Variants in FRMD4A observed in about 807,000 individuals in gnomAD.
The protein encoded by FRMD4A is FERM domain-containing protein 4A.
FRMD4A carries 29 observed loss-of-function variants against 129.1 expected under a neutral mutation model. That is an observed-to-expected ratio of 0.22 (90% CI 0.17 to 0.31). The LOEUF is 0.31. FRMD4A is among the 10% of genes least tolerant of loss of function. The pLI is 1.00. For missense variants in FRMD4A, 1,272 were observed against 1,375.8 expected (o/e 0.92, Z 1.19); for synonymous variants, 634 against 571.6 (o/e 1.11, Z -1.56).
chr10:14,284,296 C>T (rs953769121), intron 2 of FRMD4A, among the ~76,000 whole-genome samples: 5 of 152,124 alleles, frequency 3.3e-5, no homozygotes, highest in Non-Finnish European at 5.9e-5. Context: ...TGCCAAATCA[C>T]ACTTCTAGAT....
intron 2 of FRMD4A, among the ~76,000 whole-genome samples, chr10:14,247,938 A>G (rs988944308): frequency 6.6e-6 from 1 of 151,820 alleles, no homozygotes; most frequent in African/African-American, 2.4e-5. Context: ...AATTGGAAAC[A>G]AACGACTCTA....
At chr10:14,319,859 C>T (rs1846906994) in intron 2 of FRMD4A, among the ~76,000 whole-genome samples, 1 of 152,136 alleles carries the variant, frequency 6.6e-6, no homozygotes, top group South Asian at 2.1e-4. Context: ...CTCTGTAGTC[C>T]TCAGTCAATA....
intron 2 of FRMD4A, among the ~76,000 whole-genome samples, chr10:13,934,745 A>T (rs1302340306): frequency 6.6e-6 from 1 of 152,240 alleles, no homozygotes; most frequent in African/African-American, 2.4e-5. Context: ...TAAACTAGAA[A>T]TGGAACACAT....
chr10:14,001,666 C>A (rs2095643244), intron 2 of FRMD4A, among the ~76,000 whole-genome samples: 1 of 152,166 alleles, frequency 6.6e-6, no homozygotes, highest in Non-Finnish European at 1.5e-5. Flanking sequence ...ACGGGCCTAA[C>A]CAATGCAGGG....
At chr10:13,870,925 G>A (rs1350761131) in intron 2 of FRMD4A, 1 of 152,936 alleles carries the variant, frequency 6.5e-6, no homozygotes, top group Non-Finnish European at 1.5e-5. Context: ...GGGAAGGAGA[G>A]CAGCTCGAGG....
chr10:13,689,147 A>T (rs773164657), intron 15 of FRMD4A, among the ~76,000 whole-genome samples: 4 of 142,326 alleles, frequency 2.8e-5, no homozygotes, highest in Non-Finnish European at 6.0e-5. Flanking sequence ...AATAGTTTAG[A>T]AACATTTTAC....
At chr10:13,911,112 CAAAT>C (rs924585834) in intron 2 of FRMD4A, among the ~76,000 whole-genome samples, 2 of 152,040 alleles carry the variant, frequency 1.3e-5, no homozygotes, top group African/African-American at 2.4e-5. Context: ...CAAATACAAA[CAAAT>C]AAAAATCCTG....
At chr10:14,151,704 C>T (rs571636603) in intron 2 of FRMD4A, among the ~76,000 whole-genome samples, 2 of 152,148 alleles carry the variant, frequency 1.3e-5, no homozygotes, top group Non-Finnish European at 2.9e-5. Flanking sequence ...GCAGCCCTTC[C>T]TTCCTGCAGC....
At chr10:13,846,150 C>T (rs2094041819) in intron 3 of FRMD4A, among the ~76,000 whole-genome samples, 2 of 152,166 alleles carry the variant, frequency 1.3e-5, no homozygotes, top group South Asian at 4.1e-4. Context: ...GTTCAATTAG[C>T]TAATATGATG....
Position 13,761,678 on chromosome 10 carries a change from G to GA in FRMD4A, c.442-10dup, listed in dbSNP as rs759740276. 14 of 1,595,172 alleles carry GA rather than the reference G, an allele frequency of 8.8e-6. No homozygotes were observed. The highest frequency in any genetic ancestry group is 5.1e-5 in the Admixed American group (3 of 58,700). On this transcript the variant is annotated splice_polypyrimidine_tract_variant and intron_variant, in intron 7 of 24. Transcript: ENST00000357447. ...AAATCTCCCTTTGCCTCCTGTAGAA[G>GA]AAAAAATTCAACATCAGCGAAATAC...
chr10:14,127,537 ATTCAC>A (rs1838913842), intron 2 of FRMD4A, among the ~76,000 whole-genome samples: 1 of 152,064 alleles, frequency 6.6e-6, no homozygotes, highest in Non-Finnish European at 1.5e-5. Context: ...GACGGCCCAG[ATTCAC>A]TTCCTGGCTT....
At chr10:13,929,665 C>A (rs769823804) in intron 2 of FRMD4A, among the ~76,000 whole-genome samples, 1 of 152,130 alleles carries the variant, frequency 6.6e-6, no homozygotes, top group Admixed American at 6.5e-5. Flanking sequence ...TTTCTATTAG[C>A]GGTTCTAAGT....
At chr10:14,148,518 C>T (rs868633180) in intron 2 of FRMD4A, among the ~76,000 whole-genome samples, 4 of 152,228 alleles carry the variant, frequency 2.6e-5, no homozygotes, top group Non-Finnish European at 5.9e-5. Context: ...AATCCCAGCA[C>T]TTTGGGAGGC....
At chr10:13,688,550 AAAAATT>A (rs1326629255) in intron 15 of FRMD4A, among the ~76,000 whole-genome samples, 1 of 152,144 alleles carries the variant, frequency 6.6e-6, no homozygotes, top group East Asian at 1.9e-4. Flanking sequence ...ATAATAATAA[AAAAATT>A]AAAAAATTTA....
intron 11 of FRMD4A, among the ~76,000 whole-genome samples, chr10:13,738,997 T>C (rs761897215): frequency 2.0e-5 from 3 of 152,076 alleles, no homozygotes; most frequent in Non-Finnish European, 4.4e-5. Context: ...TGATTCTGAG[T>C]TAATTAGAGC....
chr10:13,921,384 C>T (rs543321722), intron 2 of FRMD4A, among the ~76,000 whole-genome samples: 1 of 152,196 alleles, frequency 6.6e-6, no homozygotes, highest in East Asian at 1.9e-4. Context: ...ACTTCAGCCT[C>T]CTAAGTAGCT....
At chr10:13,938,351 C>T (rs1212944714) in intron 2 of FRMD4A, among the ~76,000 whole-genome samples, 2 of 152,116 alleles carry the variant, frequency 1.3e-5, no homozygotes, top group Admixed American at 6.6e-5. Context: ...AAGCGATTCT[C>T]ACACCTCAGC....
intron 2 of FRMD4A, among the ~76,000 whole-genome samples, chr10:14,260,299 T>G (rs1032293164): frequency 2.0e-5 from 3 of 152,200 alleles, no homozygotes; most frequent in African/African-American, 7.2e-5. Context: ...CTATTTATCC[T>G]TGAGTAAACT....
intron 2 of FRMD4A, among the ~76,000 whole-genome samples, chr10:13,999,133 A>T (rs1376581133): frequency 1.3e-5 from 2 of 151,984 alleles, no homozygotes; most frequent in Admixed American, 6.6e-5. Flanking sequence ...TTCTTTCCCC[A>T]CATGGCTGTG....
Sources: allele counts gnomAD v4.1 joint callset (sites outside exome capture counted in the v4.1 genomes callset), GRCh38; gene constraint gnomAD v4.1.1; transcripts MANE v1.5; gene names NCBI Gene and HGNC (gene_info 2026-07-23, HGNC 2026-07-21).